The following ZBTB20 variants were observed in gnomAD, a reference collection of about 807,000 sequenced individuals.
The protein encoded by ZBTB20 is zinc finger and BTB domain-containing protein 20.
ZBTB20 carries 9 observed loss-of-function variants against 56.9 expected under a neutral mutation model. The observed-to-expected ratio is 0.16, with a 90% confidence interval of 0.10 to 0.28. The LOEUF is 0.28. Ranked by LOEUF, ZBTB20 falls within the 10% of genes least tolerant of loss-of-function variation. The pLI is 1.00. For missense variants in ZBTB20, 655 were observed against 1,003.0 expected (o/e 0.65, Z 4.69); for synonymous variants, 417 against 420.7 (o/e 0.99, Z 0.11).
At chr3:114,713,165 C>T (rs780639548) in intron 5 of ZBTB20, among the ~76,000 whole-genome samples, 4 of 151,762 alleles carry the variant, frequency 2.6e-5, no homozygotes, top group Non-Finnish European at 4.4e-5. Context: ...GTTTTTATAT[C>T]GTATGCTTAT....
Position 114,339,103 on chromosome 3 carries a change from TGC to T in ZBTB20, c.2126_2127del (p.Cys709TyrfsTer16). On this transcript the variant is annotated frameshift_variant, in exon 12 of 12. Transcript: ENST00000675478. LOFTEE classifies it high-confidence loss of function. This position sits in a 1 kb window ranked among gnomAD's most constrained non-coding sequence, Gnocchi z 4.2. ...ARAGPPGVVACTEGTTYVCSV... is the reference protein window; with the variant it reads ...ARAGPPGVVAXTEGTTYVCSV... Reference sequence around the variant, plus strand: ...GAGCAGACGTAAGTGGTCCCCTCCGTGCAGGCCACCACGCCTGGGGGGCCAGC... The same window carrying T: ...GAGCAGACGTAAGTGGTCCCCTCCGTAGGCCACCACGCCTGGGGGGCCAGC... The T allele has an allele frequency of 6.2e-7, 1 of 1,604,686 alleles. No individual in the cohort carries two copies. Among genetic ancestry groups the T allele is most frequent in the Non-Finnish European group, 8.5e-7 (1 of 1,174,600 alleles).
At chr3:114,854,131 C>A (rs2075133440) in intron 4 of ZBTB20, among the ~76,000 whole-genome samples, 1 of 152,114 alleles carries the variant, frequency 6.6e-6, no homozygotes. Context: ...ATTTAGCCCA[C>A]CCAAGCCTCA....
At chr3:114,982,949 CTA>C (rs929486709) in intron 2 of ZBTB20, among the ~76,000 whole-genome samples, 2 of 151,928 alleles carry the variant, frequency 1.3e-5, no homozygotes, top group Non-Finnish European at 2.9e-5. Context: ...TCCTTTGCCT[CTA>C]TCTATCTCTA....
Position 114,334,106 on chromosome 3 carries a change from T to C in ZBTB20, c.*4899A>G, listed in dbSNP as rs1400515324. 1 of 152,250 alleles carries C rather than the reference T, an allele frequency of 6.6e-6. No homozygotes were observed. The highest frequency in any genetic ancestry group is 2.4e-5 in the African/African-American group (1 of 41,454). The allele number at this position is 152,250 out of a possible 1,614,324, so 9.4% of individuals were successfully genotyped here. A position where few individuals can be genotyped will look rare whatever the true frequency, so the allele number is the denominator to read the frequency against. ...CCTTTTAATGCAGCAGCACACTGGCTATAGCAGAGGCAGACCTGATTTGAT... is the reference window on the plus strand; with the variant it reads ...CCTTTTAATGCAGCAGCACACTGGCCATAGCAGAGGCAGACCTGATTTGAT... On this transcript the variant is annotated 3_prime_UTR_variant, in exon 12 of 12. Coordinates refer to ENST00000675478, the MANE Select transcript of ZBTB20 (RefSeq NM_001348800.3).
chr3:114,811,237 G>C (rs2072494308), intron 4 of ZBTB20, among the ~76,000 whole-genome samples: 1 of 152,140 alleles, frequency 6.6e-6, no homozygotes, highest in Non-Finnish European at 1.5e-5. Flanking sequence ...AGATTCCTGG[G>C]CTCACTCAGG....
At chr3:114,431,359 G>A (rs2090104929) in intron 7 of ZBTB20, among the ~76,000 whole-genome samples, 1 of 152,128 alleles carries the variant, frequency 6.6e-6, no homozygotes, top group Admixed American at 6.5e-5. Context: ...GGGGGTCAGA[G>A]ACGGATATTG....
At chr3:114,810,793 T>C (rs932888308) in intron 4 of ZBTB20, among the ~76,000 whole-genome samples, 1 of 152,102 alleles carries the variant, frequency 6.6e-6, no homozygotes, top group Non-Finnish European at 1.5e-5. Context: ...CAGGTATCCA[T>C]GCATGTGGGG....
chr3:114,391,593 G>T (rs1239188203), intron 7 of ZBTB20, among the ~76,000 whole-genome samples: 1 of 152,206 alleles, frequency 6.6e-6, no homozygotes, highest in African/African-American at 2.4e-5. Context: ...CCCTTTGAAA[G>T]CTGAGACAAT....
chr3:114,387,926 T>A (rs141976926), intron 8 of ZBTB20: 2 of 152,138 alleles, frequency 1.3e-5, no homozygotes, highest in African/African-American at 4.8e-5. Flanking sequence ...GCAGCCCCCA[T>A]CAACTATGAT....
chr3:115,071,461 A>C (rs1393310501), intron 1 of ZBTB20, 47 bp from the exon 2 acceptor site: 1 of 152,170 alleles, frequency 6.6e-6, no homozygotes, highest in East Asian at 1.9e-4. Flanking sequence ...AGCCAAAAAA[A>C]ATTTCAACTA....
intron 4 of ZBTB20, among the ~76,000 whole-genome samples, chr3:114,807,125 A>T (rs1244586900): frequency 1.3e-5 from 2 of 151,970 alleles, no homozygotes; most frequent in Non-Finnish European, 2.9e-5. Flanking sequence ...TTCTGTAAAA[A>T]CGCCTTTATT....
intron 5 of ZBTB20, among the ~76,000 whole-genome samples, chr3:114,778,863 C>A (rs1050380272): frequency 6.6e-6 from 1 of 152,092 alleles, no homozygotes; most frequent in Non-Finnish European, 1.5e-5. Flanking sequence ...ACAAGAAGAA[C>A]AGTCTATTTT....
intron 6 of ZBTB20, among the ~76,000 whole-genome samples, chr3:114,561,398 T>C (rs2052033831): frequency 2.0e-5 from 3 of 152,224 alleles, no homozygotes; most frequent in African/African-American, 7.2e-5. Flanking sequence ...CTACGGTAGC[T>C]ATAGCCTTAT....
chr3:114,368,730 AG>A (rs935379790), intron 10 of ZBTB20, among the ~76,000 whole-genome samples: 9 of 152,240 alleles, frequency 5.9e-5, no homozygotes, highest in Non-Finnish European at 1.2e-4. Flanking sequence ...CAGGGCTGGA[AG>A]TGGGGGCACG....
intron 1 of ZBTB20, among the ~76,000 whole-genome samples, chr3:115,104,455 G>A (rs2083666790): frequency 6.6e-6 from 1 of 152,182 alleles, no homozygotes; most frequent in Non-Finnish European, 1.5e-5. Context: ...ATGCCCATTA[G>A]TAGATGAATG....
chr3:114,669,994 T>C (rs1043180475), intron 6 of ZBTB20, among the ~76,000 whole-genome samples: 1 of 152,098 alleles, frequency 6.6e-6, no homozygotes, highest in Non-Finnish European at 1.5e-5. Flanking sequence ...GAAAATTTTT[T>C]CTGAGAAAAG....
At chr3:114,679,527 G>T (rs1244967654) in intron 6 of ZBTB20, among the ~76,000 whole-genome samples, 1 of 152,048 alleles carries the variant, frequency 6.6e-6, no homozygotes, top group Non-Finnish European at 1.5e-5. Flanking sequence ...AAAAACATAT[G>T]AAAAAAACCT....
At chr3:114,733,953 C>T (rs2108555661) in intron 5 of ZBTB20, among the ~76,000 whole-genome samples, 1 of 152,162 alleles carries the variant, frequency 6.6e-6, no homozygotes, top group Admixed American at 6.5e-5. Context: ...CCTTCAGTAG[C>T]TTTAGCTTTA....
At chr3:114,467,378 G>A (rs1426336823) in intron 7 of ZBTB20, among the ~76,000 whole-genome samples, 1 of 152,184 alleles carries the variant, frequency 6.6e-6, no homozygotes, top group African/African-American at 2.4e-5. Context: ...CAGATAAAGG[G>A]AGGATGGATG....
Sources: gnomAD v4.1 joint callset for allele counts (sites outside exome capture counted in the v4.1 genomes callset) on GRCh38, gnomAD v4.1.1 for gene constraint, Gnocchi (gnomAD v3.1) non-coding constraint, MANE v1.5 for transcripts, NCBI Gene and HGNC (gene_info 2026-07-23, HGNC 2026-07-21) for gene names.